CSGALNACT1: variants seen among roughly 807,000 people sequenced by gnomAD.
CSGALNACT1 encodes the protein chondroitin sulfate N-acetylgalactosaminyltransferase 1.
Under a neutral mutation model 51.0 loss-of-function variants are expected in CSGALNACT1, and 52 were observed. The ratio of observed to expected loss-of-function variants is 1.02; its 90% confidence interval spans 0.82 to 1.29. The LOEUF is 1.29. Among genes scored for constraint, CSGALNACT1 ranks in the 50% most tolerant of loss-of-function variants. CSGALNACT1 has a pLI of 0.00. For synonymous variants in CSGALNACT1, 341 were observed against 254.4 expected, an observed-to-expected ratio of 1.34 and a Z score of -3.24; for missense variants, 935 against 679.2, an observed-to-expected ratio of 1.38 and a Z score of -4.19.
chr8:19,631,780 T>A (rs761983621), intron 1 of CSGALNACT1, among the ~76,000 whole-genome samples: 3 of 152,212 alleles, frequency 2.0e-5, no homozygotes, highest in South Asian at 2.1e-4. Context: ...ATTTCTGGAT[T>A]TGACTGTGTT....
At chr8:19,646,176 G>C (rs938316661) in intron 1 of CSGALNACT1, among the ~76,000 whole-genome samples, 7 of 152,104 alleles carry the variant, frequency 4.6e-5, no homozygotes, top group Non-Finnish European at 7.3e-5. Flanking sequence ...TCAGTAGACT[G>C]ACAAGAGAAA....
intron 3 of CSGALNACT1, among the ~76,000 whole-genome samples, chr8:19,544,764 G>A (rs912785408): frequency 6.6e-6 from 1 of 152,146 alleles, no homozygotes; most frequent in Non-Finnish European, 1.5e-5. Flanking sequence ...CTTTTGTACA[G>A]TTTTAACTGC....
At chr8:19,499,120 C>A (rs770245229) in intron 4 of CSGALNACT1, among the ~76,000 whole-genome samples, 8 of 152,052 alleles carry the variant, frequency 5.3e-5, no homozygotes, top group African/African-American at 1.9e-4. Context: ...GTCTCAAAAA[C>A]AAACAAACAA....
chr8:19,438,054 T>G (rs958147353), intron 6 of CSGALNACT1, among the ~76,000 whole-genome samples: 3 of 152,164 alleles, frequency 2.0e-5, no homozygotes, highest in African/African-American at 7.2e-5. Flanking sequence ...TTAAATGTGG[T>G]TACGTGTAAC....
chr8:19,681,187 G>A (rs2060590568), intron 1 of CSGALNACT1, among the ~76,000 whole-genome samples: 1 of 152,078 alleles, frequency 6.6e-6, no homozygotes, highest in Non-Finnish European at 1.5e-5. Context: ...CCACCTCCCT[G>A]CAGAGCCCCC....
intron 3 of CSGALNACT1, among the ~76,000 whole-genome samples, chr8:19,565,944 A>G (rs2041828762): frequency 6.6e-6 from 1 of 152,202 alleles, no homozygotes; most frequent in South Asian, 2.1e-4. Flanking sequence ...TTCAAGGCTG[A>G]TCTAGTCTTT....
At chr8:19,718,016 A>G (rs1167974700) in intron 1 of CSGALNACT1, among the ~76,000 whole-genome samples, 1 of 152,204 alleles carries the variant, frequency 6.6e-6, no homozygotes, top group Non-Finnish European at 1.5e-5. Flanking sequence ...AGGGCTGGGC[A>G]TCATGGGCTG....
intron 4 of CSGALNACT1, among the ~76,000 whole-genome samples, chr8:19,503,778 G>C (rs892196807): frequency 6.7e-6 from 1 of 149,070 alleles, no homozygotes; most frequent in Non-Finnish European, 1.5e-5. Context: ...TCATATGAAT[G>C]AGTTTTTTTT....
intron 1 of CSGALNACT1, among the ~76,000 whole-genome samples, chr8:19,697,945 G>A (rs1284355735): frequency 2.0e-5 from 3 of 152,176 alleles, no homozygotes; most frequent in Non-Finnish European, 4.4e-5. Context: ...CAAGGAGGAA[G>A]ATCAAGAATA....
intron 1 of CSGALNACT1, among the ~76,000 whole-genome samples, chr8:19,711,775 C>T (rs1298553622): frequency 6.6e-6 from 1 of 152,148 alleles, no homozygotes. Flanking sequence ...CACCTGTAGC[C>T]ACTTCACTCC....
At chr8:19,670,645 GAAGAC>G (rs1482879956) in intron 1 of CSGALNACT1, among the ~76,000 whole-genome samples, 1 of 15,576 alleles carries the variant, frequency 6.4e-5, no homozygotes, top group South Asian at 2.1e-3. Flanking sequence ...ATGCACTACT[GAAGAC>G]AAAAAAAAAA....
intron 2 of CSGALNACT1, among the ~76,000 whole-genome samples, chr8:19,599,539 G>A (rs1023797205): frequency 1.6e-5 from 2 of 123,122 alleles, no homozygotes; most frequent in African/African-American, 5.9e-5. Flanking sequence ...GAAAGAAAAA[G>A]AAGGAAAGAA....
At chr8:19,407,278 T>G (rs12545119) in intron 9 of CSGALNACT1, among the ~76,000 whole-genome samples, 29,905 of 151,926 alleles carry the variant, frequency 0.2, 3,148 homozygotes, top group Middle Eastern at 0.26. Flanking sequence ...CAATCGTGGG[T>G]CTACCCCTCG....
chr8:19,575,144 T>A (rs1195840561), intron 3 of CSGALNACT1, among the ~76,000 whole-genome samples: 1 of 152,180 alleles, frequency 6.6e-6, no homozygotes, highest in Non-Finnish European at 1.5e-5. Context: ...TGAATTTGGA[T>A]CTCTAGTGCA....
At chr8:19,434,771 G>A (rs1258020177) in intron 6 of CSGALNACT1, among the ~76,000 whole-genome samples, 2 of 151,960 alleles carry the variant, frequency 1.3e-5, no homozygotes, top group Non-Finnish European at 2.9e-5. Context: ...TATCTGCTTG[G>A]GAGGGATCTA....
intron 4 of CSGALNACT1, among the ~76,000 whole-genome samples, chr8:19,488,374 T>C (rs7010975): frequency 8.8e-4 from 2 of 2,266 alleles, no homozygotes; most frequent in African/African-American, 5.6e-3. Context: ...TATATACATA[T>C]ATATATATAT....
rs1377014060 is a variant in CSGALNACT1 at position 19,466,104 on chromosome 8, T to G, written c.635-7462A>C. ...TCTGAAGTTCCAATCTCCAACACAC[T>G]GAAAAGGGTAAATTTTGAAAGGGGG... On this transcript the variant is annotated intron_variant, in intron 4 of 9. Coordinates refer to ENST00000454498, the Ensembl canonical transcript of CSGALNACT1. 3.3e-5 allele frequency among the ~76,000 whole-genome samples: 5 copies of G among 151,894 alleles called. No homozygotes were observed. In the East Asian group the frequency reaches 9.7e-4, roughly 29 times the overall value.
At chr8:19,753,583 C>T (rs78569225) in intron 1 of CSGALNACT1, among the ~76,000 whole-genome samples, 32,366 of 152,022 alleles carry the variant, frequency 0.21, 3,551 homozygotes, top group African/African-American at 0.24. Flanking sequence ...TATTGCCTAG[C>T]GTGGTTTTGA....
At position 19,587,393 on chromosome 8, in the gene CSGALNACT1, T is replaced by C. The variant is rs763358131; in HGVS notation, c.-297+3767A>G. Among the ~76,000 whole-genome samples the C allele has an allele frequency of 2.0e-5, 3 of 152,214 alleles. No homozygotes were observed. In the South Asian group the frequency reaches 6.2e-4, roughly 32 times the overall value. Reference sequence around the variant, plus strand: ...TCTCAAAGGCTACTGGGTGAGGCCATTGTTCCTAAGTTGAGAAATGTCATG... The same window carrying C: ...TCTCAAAGGCTACTGGGTGAGGCCACTGTTCCTAAGTTGAGAAATGTCATG... On this transcript the variant is annotated intron_variant, in intron 3 of 9. Coordinates refer to ENST00000454498, the Ensembl canonical transcript of CSGALNACT1.
Sources: gnomAD v4.1 joint callset for allele counts (sites outside exome capture counted in the v4.1 genomes callset) on GRCh38, gnomAD v4.1.1 for gene constraint, MANE v1.5 for transcripts, NCBI Gene and HGNC (gene_info 2026-07-23, HGNC 2026-07-21) for gene names.